Variants in MRPL22 observed in about 807,000 individuals in gnomAD.
MRPL22 encodes the protein mitochondrial ribosomal protein L22.
MRPL22 carries 27 observed loss-of-function variants against 32.4 expected under a neutral mutation model. That is an observed-to-expected ratio of 0.83 (90% CI 0.61 to 1.15). MRPL22 has a LOEUF of 1.15. Among genes scored for constraint, MRPL22 ranks in the 50% most tolerant of loss-of-function variants. The pLI is 0.00. For synonymous variants in MRPL22, 86 were observed against 87.3 expected (o/e 0.99, Z 0.08); for missense variants, 239 against 260.2 (o/e 0.92, Z 0.56).
At chr5:154,953,755 C>T (rs989813715) in intron 3 of MRPL22, among the ~76,000 whole-genome samples, 22 of 138,054 alleles carry the variant, frequency 1.6e-4, no homozygotes, top group East Asian at 1.1e-3. Context: ...AGCATGATCT[C>T]GGCTCACTGC....
intron 3 of MRPL22, among the ~76,000 whole-genome samples, chr5:154,952,725 C>G (rs1039795672): frequency 1.3e-5 from 2 of 152,150 alleles, no homozygotes; most frequent in Non-Finnish European, 2.9e-5. Flanking sequence ...CCATATAGTT[C>G]ATAATACTGC....
chr5:154,961,997 A>G (rs1764712079), intron 6 of MRPL22, among the ~76,000 whole-genome samples: 1 of 152,236 alleles, frequency 6.6e-6, no homozygotes, highest in Non-Finnish European at 1.5e-5. Flanking sequence ...CCTTTAATCC[A>G]GAGTTCTTTT....
intron 2 of MRPL22, among the ~76,000 whole-genome samples, chr5:154,944,590 C>T (rs1423474168): frequency 6.6e-6 from 1 of 152,130 alleles, no homozygotes; most frequent in Non-Finnish European, 1.5e-5. Context: ...TTGCAGGGAA[C>T]AGGAACAGAC....
At position 154,966,839 on chromosome 5, in the gene MRPL22, C is replaced by T. The variant is rs376179309; in HGVS notation, c.563C>T (p.Ala188Val). ...PPPEPPKTAVAHAKEYIQQLR... is the reference protein window; with the variant it reads ...PPPEPPKTAVVHAKEYIQQLR... ...CCTGAGCCACCAAAGACGGCAGTTG[C>T]CCATGCCAAAGAGTATATTCAGCAG... Residue 188 changes from alanine (A) to valine (V), a missense_variant, in exon 7 of 7, where the codon GCC becomes GTC. Coordinates refer to ENST00000523037, the MANE Select transcript of MRPL22 (RefSeq NM_014180.4). The T allele has an allele frequency of 1.9e-6, 3 of 1,613,990 alleles. No homozygotes were observed. The highest frequency in any genetic ancestry group is 2.7e-5 in the African/African-American group (2 of 74,922).
chr5:154,948,800 G>A (rs1437591238), intron 2 of MRPL22, among the ~76,000 whole-genome samples: 1 of 152,178 alleles, frequency 6.6e-6, no homozygotes, highest in East Asian at 1.9e-4. Flanking sequence ...GATAAGTCTT[G>A]TCTTTTTCTT....
intron 2 of MRPL22, among the ~76,000 whole-genome samples, chr5:154,943,396 A>C (rs1299077214): frequency 3.3e-5 from 5 of 151,870 alleles, no homozygotes; most frequent in Non-Finnish European, 7.4e-5. Flanking sequence ...AGCCGCCAGG[A>C]AACTTAATTG....
At chr5:154,961,834 G>A (rs1045582752) in intron 6 of MRPL22, among the ~76,000 whole-genome samples, 5 of 152,020 alleles carry the variant, frequency 3.3e-5, no homozygotes, top group African/African-American at 1.2e-4. Flanking sequence ...CTAGAGGCAC[G>A]TACGAGCACA....
Position 154,945,310 on chromosome 5 carries a change from A to G in MRPL22, c.77+4045A>G, listed in dbSNP as rs867816125. Among the ~76,000 whole-genome samples, 6 of 152,284 alleles carry G rather than the reference A, an allele frequency of 3.9e-5. 1 individual carries two copies. The Middle Eastern group carries it at 0.014, about 345-fold the overall frequency. ...GGGAGGTGTGAGAAAGAAGGGTGAC[A>G]CCAAAGTTTATGACCTGAGCAACTG... is the stretch of plus-strand genomic sequence containing the variant. On this transcript the variant is annotated intron_variant, in intron 2 of 6. Transcript: ENST00000523037.
intron 5 of MRPL22, among the ~76,000 whole-genome samples, chr5:154,957,624 G>A (rs1464045101): frequency 6.6e-6 from 1 of 151,950 alleles, no homozygotes; most frequent in Non-Finnish European, 1.5e-5. Flanking sequence ...ATAAAGGAGA[G>A]TTTTTATAAC....
intron 5 of MRPL22, chr5:154,959,020 C>T (rs1357018681): frequency 2.0e-5 from 3 of 152,054 alleles, no homozygotes; most frequent in African/African-American, 4.8e-5. Flanking sequence ...TTATTTTATT[C>T]TAGTTTTTAA....
intron 6 of MRPL22, among the ~76,000 whole-genome samples, chr5:154,966,172 T>A (rs1242474282): frequency 6.6e-6 from 1 of 152,226 alleles, no homozygotes; most frequent in African/African-American, 2.4e-5. Context: ...ATGGTAGTCT[T>A]CTTTCTTTTC....
chr5:154,945,202 T>C (rs1016005324), intron 2 of MRPL22, among the ~76,000 whole-genome samples: 1 of 152,030 alleles, frequency 6.6e-6, no homozygotes, highest in Non-Finnish European at 1.5e-5. Context: ...TGGCTTGGAT[T>C]AGGGTGGCCG....
At chr5:154,945,834 G>T (rs1453347566) in intron 2 of MRPL22, among the ~76,000 whole-genome samples, 2 of 152,158 alleles carry the variant, frequency 1.3e-5, no homozygotes, top group Non-Finnish European at 2.9e-5. Flanking sequence ...CTGTTTTAAG[G>T]TTGCTTCATT....
Position 154,967,201 on chromosome 5 carries a change from G to T in MRPL22, c.*304G>T. 3.0e-6 allele frequency: 1 copy of T among 337,926 alleles called. No homozygotes were observed. Among genetic ancestry groups the T allele is most frequent in the South Asian group, 3.4e-5 (1 of 29,650 alleles). 20.9% of individuals were successfully genotyped at this position (337,926 alleles called of 1,614,324 possible). A position where few individuals can be genotyped will look rare whatever the true frequency, so the allele number is the denominator to read the frequency against. ...CTTTCCAACTAGTGTCCTGCAGGTGGCTGTTTTGATACTGGACTTGAATAC... is the reference window on the plus strand; with the variant it reads ...CTTTCCAACTAGTGTCCTGCAGGTGTCTGTTTTGATACTGGACTTGAATAC... On this transcript the variant is annotated 3_prime_UTR_variant, in exon 7 of 7. Transcript: ENST00000523037. This position sits in a 1 kb window ranked among gnomAD's most constrained non-coding sequence, Gnocchi z 4.7.
intron 2 of MRPL22, among the ~76,000 whole-genome samples, chr5:154,949,578 G>C (rs1184800820): frequency 6.6e-6 from 1 of 152,090 alleles, no homozygotes; most frequent in Admixed American, 6.5e-5. Context: ...CGATTTCAGG[G>C]GAATCTTTAT....
In MRPL22 at chr5:154,941,275, T is replaced by C; in HGVS notation, c.77+10T>C. 6.2e-7 allele frequency: 1 copy of C among 1,612,758 alleles called. No individual in the cohort carries two copies. Among genetic ancestry groups the C allele is most frequent in the Non-Finnish European group, 8.5e-7 (1 of 1,180,000 alleles). On this transcript the variant is annotated intron_variant, in intron 2 of 6. Transcript: ENST00000523037. ...GGAAGCTGGCCTTGGGGTGAGTCTC[T>C]CGCTTCGGAGTTTCGGAAGGGCCCA... is the stretch of plus-strand genomic sequence containing the variant.
chr5:154,958,209 G>A (rs925167902), intron 5 of MRPL22, among the ~76,000 whole-genome samples: 9 of 151,840 alleles, frequency 5.9e-5, no homozygotes, highest in Admixed American at 1.3e-4. Flanking sequence ...GTGAGCCACC[G>A]CGCCTGGCCT....
rs535545939 is a variant in MRPL22, at chr5:154,966,373, A to T, written c.410-313A>T. Among the ~76,000 whole-genome samples the T allele has an allele frequency of 1.8e-4, 27 of 152,322 alleles. No individual in the cohort carries two copies. The South Asian group carries it at 1.9e-3, about 11-fold the overall frequency. ...ACACCCCATCATTGTCTGTCATCTC[A>T]TTCTGATTTATTCACAGCACTTGTC... On this transcript the variant is annotated intron_variant, in intron 6 of 6. Coordinates refer to ENST00000523037, the MANE Select transcript of MRPL22 (RefSeq NM_014180.4).
intron 2 of MRPL22, among the ~76,000 whole-genome samples, chr5:154,943,180 C>T (rs1332945235): frequency 6.6e-6 from 1 of 151,912 alleles, no homozygotes; most frequent in Non-Finnish European, 1.5e-5. Flanking sequence ...CGCTCTGTGC[C>T]TAGGCTGAAG....
Sources: gnomAD v4.1 joint callset for allele counts (sites outside exome capture counted in the v4.1 genomes callset) on GRCh38, gnomAD v4.1.1 for gene constraint, Gnocchi (gnomAD v3.1) non-coding constraint, MANE v1.5 for transcripts, NCBI Gene and HGNC (gene_info 2026-07-23, HGNC 2026-07-21) for gene names.